The following ANKRD11 variants were observed in gnomAD, a reference collection of about 807,000 sequenced individuals.
The protein encoded by ANKRD11 is ankyrin repeat domain-containing protein 11.
Under a neutral mutation model 195.7 loss-of-function variants are expected in ANKRD11, and 17 were observed. That is an observed-to-expected ratio of 0.09 (90% CI 0.06 to 0.13). ANKRD11 has a LOEUF of 0.13. Among genes scored for constraint, ANKRD11 ranks in the 10% least tolerant of loss-of-function variants. The probability of loss-of-function intolerance (pLI) is 1.00; values close to 1 mark genes in which losing one functional copy is unlikely to be tolerated. For synonymous variants in ANKRD11, 1,953 were observed against 1,528.1 expected, an observed-to-expected ratio of 1.28 and a Z score of -6.49; for missense variants, 3,735 against 3,566.1, an observed-to-expected ratio of 1.05 and a Z score of -1.21.
chr16:89,288,042 C>G (rs1044964314), intron 7 of ANKRD11: 9 of 547,766 alleles, frequency 1.6e-5, no homozygotes, highest in Non-Finnish European at 2.9e-5. Flanking sequence ...CCCACAGAGG[C>G]TGAGACCTCT....
chr16:89,435,290 T>A (rs1452682304), intron 1 of ANKRD11, among the ~76,000 whole-genome samples: 1 of 152,004 alleles, frequency 6.6e-6, no homozygotes, highest in Non-Finnish European at 1.5e-5. Flanking sequence ...CAATCAGCGC[T>A]CTGTAAATGG....
Position 89,283,394 on chromosome 16 carries a change from T to C in ANKRD11, c.3148A>G (p.Lys1050Glu). Residue 1050 changes from lysine to glutamate, a missense_variant, in exon 9 of 13, where the codon AAA becomes GAA. Lys to Glu is a moderately conservative substitution (Grantham distance 56). Transcript: ENST00000301030. The surrounding 1 kb of genome is among the most constrained non-coding windows in gnomAD (Gnocchi z 4.3). Reference sequence around the variant, plus strand: ...TCTTTAAAACATTTATCAAATTCTTTGTCCTTCTGACATTTTTCCAGGATT... The same window carrying C: ...TCTTTAAAACATTTATCAAATTCTTCGTCCTTCTGACATTTTTCCAGGATT... ...KSILEKCQKD[K>E]EFDKCFKEKK... is the part of the protein sequence containing the mutation. 1 of 1,614,070 alleles carries C rather than the reference T, an allele frequency of 6.2e-7. No individual in the cohort carries two copies. Among genetic ancestry groups the C allele is most frequent in the Non-Finnish European group, 8.5e-7 (1 of 1,180,050 alleles).
At chr16:89,377,461 C>T (rs1029829995) in intron 2 of ANKRD11, among the ~76,000 whole-genome samples, 2 of 143,924 alleles carry the variant, frequency 1.4e-5, no homozygotes, top group African/African-American at 5.2e-5. Flanking sequence ...GAAGAGACTG[C>T]GGACATGTGG....
intron 2 of ANKRD11, among the ~76,000 whole-genome samples, chr16:89,385,506 G>C (rs891793810): frequency 7.2e-5 from 11 of 152,100 alleles, no homozygotes; most frequent in African/African-American, 2.7e-4. Flanking sequence ...GGGCGCCAGA[G>C]ACACCGAGAC....
intron 6 of ANKRD11, among the ~76,000 whole-genome samples, 169 bp downstream of exon 6, chr16:89,290,433 GGAGGCTCAGGGCTCCAATGGGGT>G (rs2034978061): frequency 1.1e-5 from 1 of 90,780 alleles, no homozygotes; most frequent in Non-Finnish European, 2.5e-5. Flanking sequence ...TCCAATGGGG[GGAGGCTCAGGGCTCCAATGGGGT>G]GAGGCTCAGG....
At chr16:89,352,300 G>A (rs1043136452) in intron 2 of ANKRD11, among the ~76,000 whole-genome samples, 2 of 151,840 alleles carry the variant, frequency 1.3e-5, no homozygotes, top group East Asian at 1.9e-4. Flanking sequence ...TATGCATCAC[G>A]CCACGCGGTG....
intron 1 of ANKRD11, among the ~76,000 whole-genome samples, chr16:89,463,448 T>C (rs902354601): frequency 2.6e-5 from 4 of 152,192 alleles, no homozygotes; most frequent in Non-Finnish European, 4.4e-5. Context: ...AAGATGTGCT[T>C]TGTTAAACAG....
intron 1 of ANKRD11, among the ~76,000 whole-genome samples, chr16:89,487,371 ACTCT>A (rs1473315069): frequency 7.2e-5 from 11 of 152,182 alleles, no homozygotes; most frequent in African/African-American, 2.2e-4. Flanking sequence ...ATTTACTGAT[ACTCT>A]CTAATTATGT....
intron 3 of ANKRD11, 49 bp downstream of exon 3, chr16:89,316,884 C>G: frequency 1.3e-6 from 2 of 1,594,426 alleles, no homozygotes; most frequent in Non-Finnish European, 1.7e-6. Flanking sequence ...CCCACCTCAT[C>G]CCCATCTGGG....
At chr16:89,462,338 C>T (rs937231937) in intron 1 of ANKRD11, among the ~76,000 whole-genome samples, 1 of 152,180 alleles carries the variant, frequency 6.6e-6, no homozygotes, top group Non-Finnish European at 1.5e-5. Context: ...CCCGAGGTGC[C>T]GGGATTGCAG....
At chr16:89,420,671 G>A (rs1164736782) in intron 1 of ANKRD11, among the ~76,000 whole-genome samples, 2 of 152,102 alleles carry the variant, frequency 1.3e-5, no homozygotes, top group African/African-American at 4.8e-5. Context: ...CATTATCTCT[G>A]GAAGACAGTA....
At chr16:89,373,149 G>T (rs1287512580) in intron 2 of ANKRD11, 1 of 152,274 alleles carries the variant, frequency 6.6e-6, no homozygotes, top group Non-Finnish European at 1.5e-5. Context: ...GGGAATGACA[G>T]AAGCAATGGA....
chr16:89,293,549 G>A (rs1278951195), intron 4 of ANKRD11, among the ~76,000 whole-genome samples: 3 of 147,476 alleles, frequency 2.0e-5, no homozygotes, highest in African/African-American at 7.5e-5. Context: ...TGCGGAGGGA[G>A]GAGCTGGGGC....
At chr16:89,344,687 G>A (rs899325168) in intron 2 of ANKRD11, among the ~76,000 whole-genome samples, 15 of 152,256 alleles carry the variant, frequency 9.9e-5, no homozygotes, top group South Asian at 8.3e-4. Flanking sequence ...GGGAGCTGCC[G>A]ACACCTTCAG....
At chr16:89,403,126 G>A (rs901634952) in intron 2 of ANKRD11, among the ~76,000 whole-genome samples, 11 of 152,294 alleles carry the variant, frequency 7.2e-5, no homozygotes, top group South Asian at 2.1e-4. Flanking sequence ...TCAGCGTGAC[G>A]TGCCCTCGTG....
intron 3 of ANKRD11, chr16:89,313,545 T>A: frequency 7.8e-7 from 1 of 1,289,202 alleles, no homozygotes; most frequent in Non-Finnish European, 1.0e-6. Context: ...TCCATTTCCA[T>A]CTTCCACGTA....
chr16:89,311,122 C>CAA (rs1365407332), intron 3 of ANKRD11, among the ~76,000 whole-genome samples: 1 of 152,146 alleles, frequency 6.6e-6, no homozygotes, highest in Non-Finnish European at 1.5e-5. Flanking sequence ...TAACTTTTGT[C>CAA]AAATGTTTTT....
At chr16:89,480,416 G>A (rs1467076690) in intron 1 of ANKRD11, among the ~76,000 whole-genome samples, 3 of 151,674 alleles carry the variant, frequency 2.0e-5, no homozygotes, top group Admixed American at 6.6e-5. Flanking sequence ...GGCGGAGGTT[G>A]CAGTGAGCCG....
intron 3 of ANKRD11, among the ~76,000 whole-genome samples, chr16:89,305,604 G>C (rs1176677207): frequency 6.6e-6 from 1 of 152,052 alleles, no homozygotes; most frequent in Non-Finnish European, 1.5e-5. Flanking sequence ...GAAATCGCTG[G>C]TGTGTGTGGA....
Sources: gnomAD v4.1 joint callset for allele counts (sites outside exome capture counted in the v4.1 genomes callset) on GRCh38, gnomAD v4.1.1 for gene constraint, Gnocchi (gnomAD v3.1) non-coding constraint, MANE v1.5 for transcripts, NCBI Gene and HGNC (gene_info 2026-07-23, HGNC 2026-07-21) for gene names.